The following NCKAP1 variants were observed in gnomAD, a reference collection of about 807,000 sequenced individuals.
NCKAP1 encodes nck-associated protein 1.
Under a neutral mutation model 151.2 loss-of-function variants are expected in NCKAP1, and 21 were observed. That is an observed-to-expected ratio of 0.14 (90% CI 0.10 to 0.20). The LOEUF (loss-of-function observed/expected upper bound fraction) is 0.20. Ranked by LOEUF, NCKAP1 falls within the 10% of genes least tolerant of loss-of-function variation. The pLI is 1.00. For missense variants in NCKAP1, 933 were observed against 1,352.1 expected, an observed-to-expected ratio of 0.69 and a Z score of 4.86; for synonymous variants, 484 against 451.8, an observed-to-expected ratio of 1.07 and a Z score of -0.90.
chr2:182,971,097 G>A lies in NCKAP1; in HGVS notation c.1483-3736C>T, dbSNP rs1260862780. ...TGAAGGAAACTGAAGAAGACACAAA[G>A]AGATAAAAAGATATCGGCCGGGCGC... On this transcript the variant is annotated intron_variant, in intron 15 of 30. Transcript: ENST00000361354. 2.0e-5 allele frequency among the ~76,000 whole-genome samples: 3 copies of A among 152,082 alleles called. No individual in the cohort carries two copies. The East Asian group carries it at 5.8e-4, about 29-fold the overall frequency.
chr2:182,967,420 C>A, intron 15 of NCKAP1, 59 bp from the exon 16 acceptor site: 2 of 1,433,806 alleles, frequency 1.4e-6, no homozygotes, highest in South Asian at 2.6e-5. Flanking sequence ...TCGGACTTGT[C>A]ATTTTACAGG....
At chr2:182,965,501 T>C (rs1697551661) in intron 16 of NCKAP1, among the ~76,000 whole-genome samples, 1 of 152,014 alleles carries the variant, frequency 6.6e-6, no homozygotes, top group Admixed American at 6.6e-5. Flanking sequence ...CCAGCAGTTT[T>C]AATTTGCATC....
intron 15 of NCKAP1, among the ~76,000 whole-genome samples, chr2:182,973,190 A>G (rs1297439364): frequency 2.6e-5 from 4 of 152,170 alleles, no homozygotes; most frequent in African/African-American, 9.6e-5. Context: ...AAAAATTTAA[A>G]ATTAAAAAAA....
rs758424547 is a variant in NCKAP1, at chr2:182,967,198, G to C, written c.1628+18C>G. 10 of 1,585,648 alleles carry C rather than the reference G, an allele frequency of 6.3e-6. No homozygotes were observed. In the South Asian group the frequency reaches 1.0e-4, roughly 17 times the overall value. On this transcript the variant is annotated intron_variant, in intron 16 of 30. Coordinates refer to ENST00000361354, the MANE Select transcript of NCKAP1 (RefSeq NM_013436.5). Reference sequence around the variant, plus strand: ...ACTAAAACTTTCAAATCCAGATTTAGAGAAAATTACAACATACCAAAATAT... The same window carrying C: ...ACTAAAACTTTCAAATCCAGATTTACAGAAAATTACAACATACCAAAATAT...
intron 2 of NCKAP1, among the ~76,000 whole-genome samples, chr2:183,011,709 A>G (rs993888273): frequency 6.6e-6 from 1 of 152,216 alleles, no homozygotes; most frequent in Non-Finnish European, 1.5e-5. Context: ...ATCATGAATA[A>G]CAAATTCTGC....
intron 2 of NCKAP1, among the ~76,000 whole-genome samples, chr2:183,011,674 T>A (rs1698592556): frequency 6.6e-6 from 1 of 152,230 alleles, no homozygotes; most frequent in South Asian, 2.1e-4. Flanking sequence ...TTAATAGGCA[T>A]TTGAATTGTT....
intron 15 of NCKAP1, among the ~76,000 whole-genome samples, chr2:182,971,390 T>C (rs1262925901): frequency 9.8e-6 from 1 of 102,226 alleles, no homozygotes; most frequent in African/African-American, 4.2e-5. Flanking sequence ...CGAGACTCCG[T>C]CTCAAAAAAA....
intron 2 of NCKAP1, among the ~76,000 whole-genome samples, chr2:183,015,835 G>A (rs1370101061): frequency 1.3e-5 from 2 of 148,344 alleles, no homozygotes; most frequent in Non-Finnish European, 3.0e-5. Context: ...TTGACAACAT[G>A]AGAAGAAAAG....
intron 9 of NCKAP1, among the ~76,000 whole-genome samples, chr2:182,987,578 T>A (rs1377770641): frequency 6.6e-6 from 1 of 152,174 alleles, no homozygotes; most frequent in African/African-American, 2.4e-5. Flanking sequence ...GCACCATACA[T>A]AAGTTCACTC....
At chr2:182,975,216 T>C (rs1054845883) in intron 15 of NCKAP1, among the ~76,000 whole-genome samples, 1 of 152,204 alleles carries the variant, frequency 6.6e-6, no homozygotes, top group Admixed American at 6.5e-5. Flanking sequence ...CAAAGAGGTG[T>C]CAATTTTAAA....
chr2:183,021,724 A>G (rs1698801128), intron 2 of NCKAP1, among the ~76,000 whole-genome samples: 1 of 152,200 alleles, frequency 6.6e-6, no homozygotes, highest in South Asian at 2.1e-4. Context: ...ATTCCTGATG[A>G]AATCTTCAGA....
intron 23 of NCKAP1, among the ~76,000 whole-genome samples, chr2:182,951,364 A>G (rs1697211933): frequency 6.6e-6 from 1 of 151,688 alleles, no homozygotes; most frequent in African/African-American, 2.4e-5. Context: ...ACCGTCTATC[A>G]TTTTCTTAAG....
intron 1 of NCKAP1, 44 bp from the exon 2 acceptor site, chr2:183,023,960 T>A: frequency 1.5e-6 from 2 of 1,330,142 alleles, no homozygotes; most frequent in South Asian, 1.3e-5. Flanking sequence ...GCACCCTTCT[T>A]CTAAAATCAA....
chr2:182,995,347 A>C (rs1295538119), intron 7 of NCKAP1, among the ~76,000 whole-genome samples: 1 of 152,234 alleles, frequency 6.6e-6, no homozygotes, highest in African/African-American at 2.4e-5. Flanking sequence ...ACTGAAAAAA[A>C]TATAATGGAA....
rs1191833680 is a variant in NCKAP1, at chr2:182,952,516, T to C, written c.2504-14A>G. Reference sequence around the variant, plus strand: ...ATGACCTCATTTCTGAAAGAAAACATACTTAATTTTATACTTCCGACAGAG... The same window carrying C: ...ATGACCTCATTTCTGAAAGAAAACACACTTAATTTTATACTTCCGACAGAG... On this transcript the variant is annotated splice_polypyrimidine_tract_variant and intron_variant, in intron 22 of 30. Transcript: ENST00000361354. 2 of 1,536,658 alleles carry C rather than the reference T, an allele frequency of 1.3e-6. No homozygotes were observed. Among genetic ancestry groups the C allele is most frequent in the African/African-American group, 2.8e-5 (2 of 72,386 alleles).
At position 183,034,138 on chromosome 2, in the gene NCKAP1, C is replaced by T. The variant is rs529241644; in HGVS notation, c.108+3854G>A. ...ACTAAAACCAGTTCCCCTCCCTTTACCCTGCACTGCTCCCTTCACAAACAT... is the reference window on the plus strand; with the variant it reads ...ACTAAAACCAGTTCCCCTCCCTTTATCCTGCACTGCTCCCTTCACAAACAT... On this transcript the variant is annotated intron_variant, in intron 1 of 30. Transcript: ENST00000361354. Among the ~76,000 whole-genome samples, 4 of 152,260 alleles carry T rather than the reference C, an allele frequency of 2.6e-5. 1 individual carries two copies. The highest frequency in any genetic ancestry group is 2.6e-4 in the Admixed American group (4 of 15,298).
At chr2:182,955,859 C>G (rs553313605) in intron 20 of NCKAP1, among the ~76,000 whole-genome samples, 4 of 152,200 alleles carry the variant, frequency 2.6e-5, no homozygotes, top group African/African-American at 9.6e-5. Flanking sequence ...TTTCATGAAC[C>G]TACTGGGTTG....
chr2:182,928,061 T>C (rs1696684374), intron 29 of NCKAP1, 56 bp downstream of exon 29: 2 of 1,265,216 alleles, frequency 1.6e-6, no homozygotes, highest in South Asian at 2.7e-5. Context: ...TTTGTGGTTG[T>C]GAATTTTAGT....
chr2:183,037,474 G>C (rs1051278618), intron 1 of NCKAP1, among the ~76,000 whole-genome samples: 7 of 151,880 alleles, frequency 4.6e-5, no homozygotes, highest in South Asian at 4.1e-4. Flanking sequence ...CTAAAATAAA[G>C]TGGCAAAGTG....
Sources: gnomAD v4.1 joint callset for allele counts (sites outside exome capture counted in the v4.1 genomes callset) on GRCh38, gnomAD v4.1.1 for gene constraint, MANE v1.5 for transcripts, NCBI Gene and HGNC (gene_info 2026-07-23, HGNC 2026-07-21) for gene names.